The following ARHGAP17 variants were observed in gnomAD, a reference collection of about 807,000 sequenced individuals.
ARHGAP17 encodes the protein rho GTPase-activating protein 17.
A neutral mutation model predicts 99.5 loss-of-function variants in ARHGAP17; 57 were observed. That is an observed-to-expected ratio of 0.57 (90% CI 0.46 to 0.71). The LOEUF (loss-of-function observed/expected upper bound fraction) is 0.71, where lower values mean the gene tolerates loss of function less well. Among genes scored for constraint, ARHGAP17 ranks in the 30% least tolerant of loss-of-function variants. ARHGAP17 has a pLI of 0.00. For synonymous variants in ARHGAP17, 417 were observed against 429.6 expected (o/e 0.97, Z 0.36); for missense variants, 1,000 against 1,122.4 (o/e 0.89, Z 1.56).
intron 7 of ARHGAP17, among the ~76,000 whole-genome samples, chr16:24,961,708 T>C (rs1260894064): frequency 2.0e-5 from 3 of 150,528 alleles, no homozygotes; most frequent in Admixed American, 6.6e-5. Flanking sequence ...TATTTTTCTG[T>C]TTTTTAGTAG....
chr16:24,990,836 AAGG>A (rs1173957480), intron 1 of ARHGAP17, among the ~76,000 whole-genome samples: 1 of 149,520 alleles, frequency 6.7e-6, no homozygotes, highest in Non-Finnish European at 1.5e-5. Context: ...GAACTGCTGC[AAGG>A]AGAAGGTTCA....
chr16:24,970,363 C>A, intron 4 of ARHGAP17, 144 bp downstream of exon 4: 1 of 781,490 alleles, frequency 1.3e-6, no homozygotes, highest in South Asian at 1.6e-5. Flanking sequence ...CACTTTCTCC[C>A]AAGGAGTCTC....
intron 1 of ARHGAP17, among the ~76,000 whole-genome samples, chr16:24,993,308 G>A (rs1017812876): frequency 3.9e-5 from 6 of 152,094 alleles, no homozygotes; most frequent in African/African-American, 7.2e-5. Context: ...ATGGGCAGCC[G>A]GGCATGGTGG....
intron 11 of ARHGAP17, among the ~76,000 whole-genome samples, 198 bp from the exon 12 acceptor site, chr16:24,952,568 GATCA>G (rs984680657): frequency 6.6e-6 from 1 of 152,092 alleles, no homozygotes; most frequent in Non-Finnish European, 1.5e-5. Context: ...AGTTTTAAGA[GATCA>G]ATTACAAATA....
At chr16:24,960,834 C>T (rs2051971080) in intron 7 of ARHGAP17, among the ~76,000 whole-genome samples, 1 of 150,740 alleles carries the variant, frequency 6.6e-6, no homozygotes, top group Non-Finnish European at 1.5e-5. Flanking sequence ...AAAAAAAAGG[C>T]AGGGGGTGGG....
chr16:24,953,194 T>C (rs2051696971), intron 10 of ARHGAP17, 152 bp from the exon 11 acceptor site: 2 of 668,044 alleles, frequency 3.0e-6, no homozygotes, highest in South Asian at 1.9e-5. Context: ...TCAGGAGGAA[T>C]GATGAGGGCT....
chr16:24,937,576 G>T (rs2051176916), intron 17 of ARHGAP17, among the ~76,000 whole-genome samples: 1 of 152,210 alleles, frequency 6.6e-6, no homozygotes, highest in African/African-American at 2.4e-5. Flanking sequence ...AAGCTAACGT[G>T]CAGCCTATGA....
intron 1 of ARHGAP17, among the ~76,000 whole-genome samples, chr16:24,986,677 T>G (rs1346186355): frequency 2.6e-5 from 4 of 152,220 alleles, no homozygotes; most frequent in Non-Finnish European, 4.4e-5. Flanking sequence ...TCAAAATATT[T>G]GTTATCCAGC....
At chr16:25,009,945 T>C (rs999205019) in intron 1 of ARHGAP17, among the ~76,000 whole-genome samples, 12 of 152,132 alleles carry the variant, frequency 7.9e-5, no homozygotes, top group Non-Finnish European at 1.5e-4. Context: ...AATCCTTCCC[T>C]GGTGAAGAGG....
intron 19 of ARHGAP17, among the ~76,000 whole-genome samples, chr16:24,921,357 T>C (rs2050715218): frequency 6.6e-6 from 1 of 152,118 alleles, no homozygotes; most frequent in African/African-American, 2.4e-5. Flanking sequence ...GCGTTAGAGG[T>C]AGCCATGGCA....
chr16:24,925,008 T>C (rs186879386), intron 19 of ARHGAP17, among the ~76,000 whole-genome samples: 185 of 152,310 alleles, frequency 1.2e-3, no homozygotes, highest in African/African-American at 4.2e-3. Context: ...TTTCCTCAGA[T>C]AATGTCTTCA....
At chr16:24,968,593 A>C (rs2052263844) in intron 5 of ARHGAP17, 68 bp downstream of exon 5, 3 of 1,569,102 alleles carry the variant, frequency 1.9e-6, no homozygotes, top group Non-Finnish European at 2.6e-6. Context: ...CTACTGTTAA[A>C]ATTTTAACAC....
chr16:24,935,611 C>T lies in ARHGAP17; in HGVS notation c.1753G>A (p.Ala585Thr). 1 of 1,614,120 alleles carries T rather than the reference C, an allele frequency of 6.2e-7. No homozygotes were observed. Among genetic ancestry groups the T allele is most frequent in the South Asian group, 1.1e-5 (1 of 91,086 alleles). ...SPPKPKDPVS[A>T]AVPAPGRNNS... is the part of the protein sequence containing the mutation. The stretch of plus-strand genomic sequence containing the variant: ...TTTCTCCCTGGTGCTGGCACAGCTG[C>T]AGATACAGGGTCCTTCGGTTTGGGA... Residue 585 changes from alanine to threonine, a missense_variant, in exon 18 of 20, where the codon GCA becomes ACA. By Grantham distance (58) the Ala-to-Thr change is moderately conservative. Around this residue, in one of 2 missense-constraint regions of ARHGAP17, gnomAD observed 528 missense variants for 511.4 expected, o/e 1.03. Coordinates refer to ENST00000289968, the MANE Select transcript of ARHGAP17 (RefSeq NM_001006634.3).
At chr16:25,008,689 C>T (rs1433272400) in intron 1 of ARHGAP17, among the ~76,000 whole-genome samples, 2 of 152,194 alleles carry the variant, frequency 1.3e-5, no homozygotes, top group Non-Finnish European at 2.9e-5. Flanking sequence ...AAGGTTTTGC[C>T]TCGTCCACTC....
At chr16:25,010,705 G>A (rs147471431) in intron 1 of ARHGAP17, among the ~76,000 whole-genome samples, 1 of 152,326 alleles carries the variant, frequency 6.6e-6, no homozygotes, top group East Asian at 1.9e-4. Context: ...TGGATTAAAC[G>A]CCAGCTAGTT....
At chr16:25,007,852 T>C (rs1004905860) in intron 1 of ARHGAP17, among the ~76,000 whole-genome samples, 6 of 152,274 alleles carry the variant, frequency 3.9e-5, no homozygotes, top group Middle Eastern at 3.4e-3. Context: ...TCATCAAAAA[T>C]GGAAGATGTA....
intron 14 of ARHGAP17, 26 bp downstream of exon 14, chr16:24,947,456 A>T (rs966460500): frequency 1.3e-6 from 2 of 1,585,476 alleles, no homozygotes; most frequent in Non-Finnish European, 1.7e-6. Flanking sequence ...GAAGAAATTC[A>T]AATGATACAG....
intron 1 of ARHGAP17, among the ~76,000 whole-genome samples, chr16:25,005,274 C>G (rs1163038095): frequency 6.6e-6 from 1 of 152,130 alleles, no homozygotes; most frequent in Non-Finnish European, 1.5e-5. Context: ...ATAATAGGCT[C>G]TACCTATTTA....
chr16:24,979,868 G>A (rs997432179), intron 1 of ARHGAP17, among the ~76,000 whole-genome samples: 8 of 151,956 alleles, frequency 5.3e-5, no homozygotes, highest in Non-Finnish European at 8.8e-5. Context: ...GTGCCACTTC[G>A]CCCAGCTAAT....
Sources: allele counts gnomAD v4.1 joint callset (sites outside exome capture counted in the v4.1 genomes callset), GRCh38; gene constraint gnomAD v4.1.1; regional missense constraint gnomAD v4.1.1; transcripts MANE v1.5; gene names NCBI Gene and HGNC (gene_info 2026-07-23, HGNC 2026-07-21).